Variants in SLC24A2 observed in about 807,000 individuals in gnomAD.
SLC24A2 encodes solute carrier family 24 member 2.
SLC24A2 carries 36 observed loss-of-function variants against 62.0 expected under a neutral mutation model. The ratio of observed to expected loss-of-function variants is 0.58; its 90% CI spans 0.44 to 0.77. The LOEUF (loss-of-function observed/expected upper bound fraction) is 0.77. SLC24A2 is among the 30% of genes least tolerant of loss of function. The pLI is 0.00. For synonymous variants in SLC24A2, 358 were observed against 294.0 expected (o/e 1.22, Z -2.23); for missense variants, 846 against 817.9 (o/e 1.03, Z -0.42).
At chr9:19,578,582 T>C (rs1836104818) in intron 5 of SLC24A2, among the ~76,000 whole-genome samples, 1 of 151,928 alleles carries the variant, frequency 6.6e-6, no homozygotes, top group South Asian at 2.1e-4. Context: ...TTGTGTTCTC[T>C]AGCAGCATAT....
chr9:19,692,513 A>G (rs1424119184), intron 2 of SLC24A2, among the ~76,000 whole-genome samples: 1 of 152,128 alleles, frequency 6.6e-6, no homozygotes, highest in Non-Finnish European at 1.5e-5. Context: ...TTCACTGTGG[A>G]TAAAATATGC....
intron 8 of SLC24A2, among the ~76,000 whole-genome samples, chr9:19,546,744 A>C (rs1446055722): frequency 6.0e-5 from 9 of 149,696 alleles, no homozygotes; most frequent in Non-Finnish European, 8.8e-5. Context: ...GGAAAAAAAA[A>C]AACAACACAA....
the SLC24A2 span, among the ~76,000 whole-genome samples, chr9:20,124,775 A>C: frequency 2.0e-5 from 3 of 152,234 alleles, no homozygotes; most frequent in African/African-American, 7.2e-5. Flanking sequence ...CTAATCTGGC[A>C]ACACATCTGC....
At chr9:19,871,229 T>G in the SLC24A2 span, among the ~76,000 whole-genome samples, 1 of 152,192 alleles carries the variant, frequency 6.6e-6, no homozygotes, top group East Asian at 1.9e-4. Context: ...GACAATAAGT[T>G]ATCCGTTATT....
intron 8 of SLC24A2, among the ~76,000 whole-genome samples, chr9:19,542,065 C>T (rs557312404): frequency 1.3e-5 from 2 of 152,154 alleles, no homozygotes; most frequent in African/African-American, 2.4e-5. Flanking sequence ...TGCTTCGGCT[C>T]GCGCACGGTG....
chr9:19,695,303 T>C (rs1023020216), intron 2 of SLC24A2, among the ~76,000 whole-genome samples: 3 of 152,120 alleles, frequency 2.0e-5, no homozygotes, highest in Non-Finnish European at 4.4e-5. Context: ...TTCACACCTG[T>C]CCCATGCCTC....
chr9:19,991,547 C>A, the SLC24A2 span, among the ~76,000 whole-genome samples: 1 of 152,086 alleles, frequency 6.6e-6, no homozygotes, highest in Non-Finnish European at 1.5e-5. Flanking sequence ...CAATATTAAC[C>A]ATCACAAATA....
At chr9:20,205,603 A>G in the SLC24A2 span, among the ~76,000 whole-genome samples, 9 of 148,922 alleles carry the variant, frequency 6.0e-5, no homozygotes, top group Admixed American at 4.7e-4. Context: ...GTGAGCCAAG[A>G]TCACACCACT....
chr9:19,592,252 T>G (rs1468517154), intron 5 of SLC24A2, among the ~76,000 whole-genome samples: 1 of 152,238 alleles, frequency 6.6e-6, no homozygotes, highest in Non-Finnish European at 1.5e-5. Flanking sequence ...TAAGCTTAAT[T>G]TAATTATGGA....
At chr9:19,803,827 G>A in the SLC24A2 span, among the ~76,000 whole-genome samples, 1 of 152,042 alleles carries the variant, frequency 6.6e-6, no homozygotes, top group Non-Finnish European at 1.5e-5. Context: ...AATTATTTGA[G>A]AAACTAAAAA....
At chr9:20,059,371 A>AT in the SLC24A2 span, among the ~76,000 whole-genome samples, 1 of 152,200 alleles carries the variant, frequency 6.6e-6, no homozygotes, top group Admixed American at 6.5e-5. Context: ...TCTACATGGA[A>AT]TATTTTCCAG....
chr9:19,557,121 C>A (rs80020127), intron 7 of SLC24A2, among the ~76,000 whole-genome samples: 7 of 152,282 alleles, frequency 4.6e-5, no homozygotes, highest in African/African-American at 1.4e-4. Context: ...CCCTGAGTAA[C>A]CCCTAAGTCC....
At chr9:19,550,035 G>A in intron 8 of SLC24A2, 102 bp downstream of exon 8, 7 of 1,176,620 alleles carry the variant, frequency 5.9e-6, no homozygotes, top group Middle Eastern at 1.9e-4. Flanking sequence ...TTTGATACAA[G>A]TGTACTTCCT....
the SLC24A2 span, among the ~76,000 whole-genome samples, chr9:19,942,011 T>TA: frequency 1.4e-4 from 22 of 152,276 alleles, no homozygotes; most frequent in Admixed American, 7.8e-4. Flanking sequence ...TTTAGGGACT[T>TA]AAAAAATCTT....
chr9:19,707,241 C>A (rs1193334796), intron 2 of SLC24A2, among the ~76,000 whole-genome samples: 4 of 152,086 alleles, frequency 2.6e-5, no homozygotes, highest in African/African-American at 7.2e-5. Flanking sequence ...CAATAACAGG[C>A]TCTGAAATTG....
the SLC24A2 span, among the ~76,000 whole-genome samples, chr9:20,213,989 G>A: frequency 1.5e-3 from 234 of 152,176 alleles, 1 homozygote; most frequent in African/African-American, 5.1e-3. Flanking sequence ...GACTTATTTC[G>A]CTTGTCATAA....
chr9:20,203,526 C>A, the SLC24A2 span, among the ~76,000 whole-genome samples: 8 of 152,166 alleles, frequency 5.3e-5, no homozygotes, highest in Non-Finnish European at 8.8e-5. Context: ...CTCTCCCTTA[C>A]TAACAGTCCA....
At chr9:20,147,083 C>T in the SLC24A2 span, among the ~76,000 whole-genome samples, 1 of 152,090 alleles carries the variant, frequency 6.6e-6, no homozygotes. Context: ...AAATTCTTGT[C>T]AAAAAGTTGT....
chr9:19,524,189 C>T (rs1207035602), intron 9 of SLC24A2, among the ~76,000 whole-genome samples: 12 of 132,446 alleles, frequency 9.1e-5, no homozygotes, highest in Admixed American at 2.3e-4. Flanking sequence ...GGAGGCCAAA[C>T]TCCATGCTGC....
Sources: gnomAD v4.1 joint callset for allele counts (sites outside exome capture counted in the v4.1 genomes callset) on GRCh38, gnomAD v4.1.1 for gene constraint, MANE v1.5 for transcripts, NCBI Gene and HGNC (gene_info 2026-07-23, HGNC 2026-07-21) for gene names.